The following FER1L5 variants were observed in gnomAD, a reference collection of about 807,000 sequenced individuals.
FER1L5 encodes the protein fer-1 like family member 5.
FER1L5 carries 187 observed loss-of-function variants against 279.9 expected under a neutral mutation model. The observed-to-expected ratio is 0.67, with a 90% CI of 0.59 to 0.75. The LOEUF (loss-of-function observed/expected upper bound fraction) is 0.75. Ranked by LOEUF, FER1L5 falls within the 30% of genes least tolerant of loss-of-function variation. The probability of loss-of-function intolerance (pLI) is 0.00; values close to 1 mark genes in which losing one functional copy is unlikely to be tolerated. For synonymous variants in FER1L5, 921 were observed against 989.7 expected (o/e 0.93, Z 1.30); for missense variants, 2,091 against 2,594.4 (o/e 0.81, Z 4.21).
Position 96,689,891 on chromosome 2 carries a change from C to T in FER1L5, c.2640+133C>T, listed in dbSNP as rs975498830. On this transcript the variant is annotated intron_variant, in intron 26 of 52. Coordinates refer to ENST00000624922, the MANE Select transcript of FER1L5 (RefSeq NM_001293083.2). The surrounding 1 kb of genome is among the most constrained non-coding windows in gnomAD (Gnocchi z 4.6). Reference sequence around the variant, plus strand: ...CACTATGTGTGGGGCCCCGGGTGAGCGCACCAGCCCTCAGGCACTCTCTCT... The same window carrying T: ...CACTATGTGTGGGGCCCCGGGTGAGTGCACCAGCCCTCAGGCACTCTCTCT... 23 of 653,078 alleles carry T rather than the reference C, an allele frequency of 3.5e-5. No individual in the cohort carries two copies. The highest frequency in any genetic ancestry group is 5.6e-5 in the East Asian group (2 of 35,942). 40.5% of individuals were successfully genotyped at this position (653,078 alleles called of 1,614,324 possible). A position where few individuals can be genotyped will look rare whatever the true frequency, so the allele number is the denominator to read the frequency against.
rs2077727539 is a variant in FER1L5, at chr2:96,704,876, C to A, written c.*184C>A. On this transcript the variant is annotated 3_prime_UTR_variant, in exon 53 of 53. Coordinates refer to ENST00000624922, the MANE Select transcript of FER1L5 (RefSeq NM_001293083.2). ...AATTTTCCACTGAAATAAACAAGTT[C>A]TATAACAGAGAGCCATCTTGTAATT... 4 of 606,692 alleles carry A rather than the reference C, an allele frequency of 6.6e-6. No individual in the cohort carries two copies. The South Asian group carries it at 8.1e-5, about 12-fold the overall frequency. 37.6% of individuals were successfully genotyped at this position (606,692 alleles called of 1,614,324 possible).
rs369796429 is a variant in FER1L5 at position 96,704,783 on chromosome 2, T to C, written c.*91T>C. ...CTTTGTTTCTATCTTCTAGAATATATGCAAGATGCTAGGAATATTCTGGCT... is the reference window on the plus strand; with the variant it reads ...CTTTGTTTCTATCTTCTAGAATATACGCAAGATGCTAGGAATATTCTGGCT... On this transcript the variant is annotated 3_prime_UTR_variant, in exon 53 of 53. Coordinates refer to ENST00000624922, the MANE Select transcript of FER1L5 (RefSeq NM_001293083.2). The C allele has an allele frequency of 1.8e-5, 17 of 940,164 alleles. No individual in the cohort carries two copies. Among genetic ancestry groups the C allele is most frequent in the East Asian group, 1.7e-4 (7 of 40,594 alleles). The allele number at this position is 940,164 out of a possible 1,614,324, so 58.2% of individuals were successfully genotyped here.
At chr2:96,678,009 C>A (rs2076573324) in intron 19 of FER1L5, among the ~76,000 whole-genome samples, 1 of 152,042 alleles carries the variant, frequency 6.6e-6, no homozygotes, top group African/African-American at 2.4e-5. Flanking sequence ...ATTTCAGTTT[C>A]TCATTTATCA....
chr2:96,669,566 A>C (rs767155458), intron 17 of FER1L5, among the ~76,000 whole-genome samples: 1 of 152,158 alleles, frequency 6.6e-6, no homozygotes, highest in Non-Finnish European at 1.5e-5. Context: ...CTGACTGTGC[A>C]AAGAGGCCCT....
intron 17 of FER1L5, among the ~76,000 whole-genome samples, 164 bp downstream of exon 17, chr2:96,669,301 A>C (rs1244634377): frequency 6.6e-6 from 1 of 152,162 alleles, no homozygotes; most frequent in Admixed American, 6.5e-5. Flanking sequence ...CATGTGGGAC[A>C]GGCGTGGGGG....
In FER1L5 at chr2:96,659,294, CT is replaced by C. The variant is rs1451004415; in HGVS notation, c.748-1045del. 8.0e-3 allele frequency among the ~76,000 whole-genome samples: 176 copies of C among 22,132 alleles called. 12 individuals are homozygous for C. The highest frequency in any genetic ancestry group is 0.023 in the African/African-American group (161 of 7,100). The allele number at this position is 22,132 out of a possible 152,430, so 14.5% of individuals were successfully genotyped here. A position where few individuals can be genotyped will look rare whatever the true frequency, so the allele number is the denominator to read the frequency against. ...ATGAAGTCCAATTTATCAAGCTTTC[CT>C]TCCTTCCTTCCTTCCTTCCTTCCTT... On this transcript the variant is annotated intron_variant, in intron 9 of 52. Coordinates refer to ENST00000624922, the MANE Select transcript of FER1L5 (RefSeq NM_001293083.2).
chr2:96,656,364 C>T (rs1185260467), intron 9 of FER1L5, among the ~76,000 whole-genome samples: 1 of 152,192 alleles, frequency 6.6e-6, no homozygotes, highest in Non-Finnish European at 1.5e-5. Context: ...AGGCTGGGAA[C>T]GGTGGCTCAC....
chr2:96,644,969 A>C (rs2075054499), intron 1 of FER1L5, among the ~76,000 whole-genome samples: 1 of 152,238 alleles, frequency 6.6e-6, no homozygotes, highest in African/African-American at 2.4e-5. Context: ...AAAGATGCCT[A>C]AAACTCAGAA....
intron 20 of FER1L5, 130 bp from the exon 21 acceptor site, chr2:96,685,199 A>G (rs920444330): frequency 8.1e-6 from 6 of 740,002 alleles, no homozygotes; most frequent in Non-Finnish European, 1.4e-5. Flanking sequence ...TTGAACTGAT[A>G]TCACCAGGTT....
intron 9 of FER1L5, among the ~76,000 whole-genome samples, chr2:96,655,409 A>G (rs1241463226): frequency 1.3e-5 from 2 of 152,248 alleles, no homozygotes; most frequent in Non-Finnish European, 2.9e-5. Flanking sequence ...AGTATGTCCC[A>G]AATATTACAT....
chr2:96,693,537 C>T lies in FER1L5; in HGVS notation c.3324C>T (p.His1108=), dbSNP rs1244069392. The T allele has an allele frequency of 8.1e-5, 126 of 1,551,316 alleles. No homozygotes were observed. The highest frequency in any genetic ancestry group is 5.8e-5 in the Non-Finnish European group (67 of 1,146,914). ...TCATTCGGGTGGTCTTCCTGAACCACAGCCAGTGCACCCAAACCCTGAGGA... is the reference window on the plus strand; with the variant it reads ...TCATTCGGGTGGTCTTCCTGAACCATAGCCAGTGCACCCAAACCCTGAGGA... ...GPFIRVVFLN[H]SQCTQTLRSS... The change falls in exon 32 of 53, where the codon CAC becomes CAT. Residue 1108 remains histidine, a synonymous_variant. Coordinates refer to ENST00000624922, the MANE Select transcript of FER1L5 (RefSeq NM_001293083.2).
At chr2:96,646,004 T>C (rs1217913823) in intron 1 of FER1L5, among the ~76,000 whole-genome samples, 5 of 141,674 alleles carry the variant, frequency 3.5e-5, no homozygotes, top group Admixed American at 2.8e-4. Flanking sequence ...TTCTTTTTTT[T>C]TTTTTTTTTT....
At chr2:96,688,883 C>T (rs1251607001) in intron 24 of FER1L5, 2 of 254,496 alleles carry the variant, frequency 7.9e-6, no homozygotes, top group Admixed American at 5.4e-5. Flanking sequence ...CAACCACACT[C>T]TCCCTGCTGA....
At chr2:96,664,841 A>G (rs2106544427) in intron 14 of FER1L5, among the ~76,000 whole-genome samples, 1 of 152,326 alleles carries the variant, frequency 6.6e-6, no homozygotes, top group African/African-American at 2.4e-5. Flanking sequence ...TTTAAATGAT[A>G]ATATACATTT....
intron 12 of FER1L5, 69 bp from the exon 13 acceptor site, chr2:96,662,146 G>C: frequency 1.4e-6 from 2 of 1,477,476 alleles, no homozygotes; most frequent in Middle Eastern, 1.8e-4. Context: ...CAGTTGTTCT[G>C]TCGCCACCCT....
chr2:96,654,534 T>A, intron 9 of FER1L5, 38 bp downstream of exon 9: 1 of 398,768 alleles, frequency 2.5e-6, no homozygotes, highest in East Asian at 3.6e-5. Context: ...AGTGAAACAG[T>A]TATTAAAACA....
chr2:96,693,858 G>T, intron 32 of FER1L5, 53 bp from the exon 33 acceptor site: 1 of 1,504,332 alleles, frequency 6.6e-7, no homozygotes, highest in South Asian at 1.3e-5. Context: ...AGCCCAGACA[G>T]AGCTGGGCCC....
chr2:96,670,046 A>C (rs1224458871), intron 17 of FER1L5, 73 bp from the exon 18 acceptor site: 1 of 1,538,254 alleles, frequency 6.5e-7, no homozygotes, highest in South Asian at 1.2e-5. Context: ...TCTTTGCCTC[A>C]GGGGTTTCAA....
chr2:96,701,440 C>G (rs1321541812), intron 45 of FER1L5, among the ~76,000 whole-genome samples: 1 of 152,180 alleles, frequency 6.6e-6, no homozygotes, highest in East Asian at 1.9e-4. Context: ...GCAGTTCTCC[C>G]CTTTTCTTTC....
Sources: allele counts gnomAD v4.1 joint callset (sites outside exome capture counted in the v4.1 genomes callset), GRCh38; gene constraint gnomAD v4.1.1; non-coding constraint Gnocchi (gnomAD v3.1); transcripts MANE v1.5; gene names NCBI Gene and HGNC (gene_info 2026-07-23, HGNC 2026-07-21).